DMRTA1: variants seen among roughly 807,000 people sequenced by gnomAD.
DMRTA1 encodes doublesex- and mab-3-related transcription factor A1.
DMRTA1 carries 34 observed loss-of-function variants against 35.2 expected under a neutral mutation model. The observed-to-expected ratio is 0.97, with a 90% CI of 0.74 to 1.29. The LOEUF (loss-of-function observed/expected upper bound fraction) is 1.29, where lower values mean the gene tolerates loss of function less well. DMRTA1 is among the 50% of genes most tolerant of loss of function. The pLI is 0.00. For missense variants in DMRTA1, 824 were observed against 644.6 expected (o/e 1.28, Z -3.01); for synonymous variants, 344 against 276.6 (o/e 1.24, Z -2.42).
In DMRTA1 at chr9:22,454,934, C is replaced by G. The variant is rs1389339567; in HGVS notation, c.*3023C>G. 1 of 152,060 alleles carries G rather than the reference C, an allele frequency of 6.6e-6. No individual in the cohort carries two copies. Among genetic ancestry groups the G allele is most frequent in the Non-Finnish European group, 1.5e-5 (1 of 68,000 alleles). 9.4% of individuals were successfully genotyped at this position (152,060 alleles called of 1,614,324 possible). On this transcript the variant is annotated 3_prime_UTR_variant, in exon 2 of 2. Coordinates refer to ENST00000325870, the MANE Select transcript of DMRTA1 (RefSeq NM_022160.3). ...TACTGCTTTAATATTGGGACTGAAT[C>G]ATTTTGTAGCTCATTAGAAACATGG... is the stretch of plus-strand genomic sequence containing the variant.
rs570387910 is a variant in DMRTA1 at position 22,447,557 on chromosome 9, C to T, written c.492C>T (p.Leu164=). The change falls in exon 1 of 2, where the codon CTC becomes CTT. Residue 164 remains leucine (L), a synonymous_variant. Coordinates refer to ENST00000325870, the MANE Select transcript of DMRTA1 (RefSeq NM_022160.3). ...TACAGAGGCTCCTGTGCTCGGGGCTCTCCTGGCCCCCCGGTGGTCGGGCAT... is the reference window on the plus strand; with the variant it reads ...TACAGAGGCTCCTGTGCTCGGGGCTTTCCTGGCCCCCCGGTGGTCGGGCAT... The part of the protein sequence containing the change: ...RGLQRLLCSG[L]SWPPGGRASG... The T allele has an allele frequency of 1.3e-6, 2 of 1,593,990 alleles. No homozygotes were observed. Among genetic ancestry groups the T allele is most frequent in the South Asian group, 2.2e-5 (2 of 89,300 alleles).
chr9:22,451,043 T>C, intron 1 of DMRTA1, 21 bp from the exon 2 acceptor site: 1 of 1,592,558 alleles, frequency 6.3e-7, no homozygotes, highest in Non-Finnish European at 8.5e-7. Flanking sequence ...TATTTGATTT[T>C]TTTTTCCCCC....
In DMRTA1 at chr9:22,451,839, T is replaced by C; in HGVS notation, c.1443T>C (p.Ser481=). The change falls in exon 2 of 2, where the codon TCT becomes TCC. Residue 481 remains serine, a synonymous_variant. Coordinates refer to ENST00000325870, the MANE Select transcript of DMRTA1 (RefSeq NM_022160.3). ...DYAFSGMIRD[S]SYLSSKDSIT... is the part of the protein sequence containing the mutation. ...CCTTTTCAGGGATGATTAGAGATTC[T>C]TCCTACCTTTCCAGTAAAGACTCAA... is the stretch of plus-strand genomic sequence containing the variant. The C allele has an allele frequency of 6.2e-7, 1 of 1,614,018 alleles. No homozygotes were observed. Among genetic ancestry groups the C allele is most frequent in the South Asian group, 1.1e-5 (1 of 91,080 alleles).
At position 22,455,477 on chromosome 9, in the gene DMRTA1, C is replaced by T. The variant is rs1209693183; in HGVS notation, c.*3566C>T. ...TACGGGATGCTAAATAAATAACTCT[C>T]ACTGTTATTACTTTGTATTAAGATA... On this transcript the variant is annotated 3_prime_UTR_variant, in exon 2 of 2. Coordinates refer to ENST00000325870, the MANE Select transcript of DMRTA1 (RefSeq NM_022160.3). 6.6e-6 allele frequency: 1 copy of T among 152,262 alleles called. No homozygotes were observed. The highest frequency in any genetic ancestry group is 2.4e-5 in the African/African-American group (1 of 41,550). The allele number at this position is 152,262 out of a possible 1,614,324, so 9.4% of individuals were successfully genotyped here.
rs1222934408 is a variant in DMRTA1, at chr9:22,452,328, A to G, written c.*417A>G. On this transcript the variant is annotated 3_prime_UTR_variant, in exon 2 of 2. Coordinates refer to ENST00000325870, the MANE Select transcript of DMRTA1 (RefSeq NM_022160.3). ...ATAAACCGAAAGGAAGAACTGAACA[A>G]TTAAGGCAATTCTAAATAATTACCA... is the stretch of plus-strand genomic sequence containing the variant. 8 of 154,318 alleles carry G rather than the reference A, an allele frequency of 5.2e-5. No individual in the cohort carries two copies. Among genetic ancestry groups the G allele is most frequent in the Admixed American group, 5.1e-4 (8 of 15,546 alleles). The allele number at this position is 154,318 out of a possible 1,614,324, so 9.6% of individuals were successfully genotyped here. A position where few individuals can be genotyped will look rare whatever the true frequency, so the allele number is the denominator to read the frequency against.
Position 22,454,772 on chromosome 9 carries a change from A to C in DMRTA1, c.*2861A>C, listed in dbSNP as rs1235546121. On this transcript the variant is annotated 3_prime_UTR_variant, in exon 2 of 2. Transcript: ENST00000325870. Reference sequence around the variant, plus strand: ...AACATTTCATAGAGTATTCAGAAGAACATAAGGAATGACTTTTTTCACAGT... The same window carrying C: ...AACATTTCATAGAGTATTCAGAAGACCATAAGGAATGACTTTTTTCACAGT... 1 of 152,188 alleles carries C rather than the reference A, an allele frequency of 6.6e-6. No homozygotes were observed. The highest frequency in any genetic ancestry group is 2.4e-5 in the African/African-American group (1 of 41,436). 9.4% of individuals were successfully genotyped at this position (152,188 alleles called of 1,614,324 possible). A position where few individuals can be genotyped will look rare whatever the true frequency, so the allele number is the denominator to read the frequency against.
Position 22,453,002 on chromosome 9 carries a change from T to C in DMRTA1, c.*1091T>C, listed in dbSNP as rs558433194. On this transcript the variant is annotated 3_prime_UTR_variant, in exon 2 of 2. Coordinates refer to ENST00000325870, the MANE Select transcript of DMRTA1 (RefSeq NM_022160.3). ...GAAGTTTCAGAGGTATTCTTGCAATTTTAAAAATAATTTTTGTCCTCCCTC... is the reference window on the plus strand; with the variant it reads ...GAAGTTTCAGAGGTATTCTTGCAATCTTAAAAATAATTTTTGTCCTCCCTC... The C allele has an allele frequency of 6.6e-6, 1 of 152,268 alleles. No homozygotes were observed. Among genetic ancestry groups the C allele is most frequent in the South Asian group, 2.1e-4 (1 of 4,828 alleles). The allele number at this position is 152,268 out of a possible 1,614,324, so 9.4% of individuals were successfully genotyped here.
Position 22,451,625 on chromosome 9 carries a change from C to T in DMRTA1, c.1229C>T (p.Ser410Phe). ...FGTLGNKSAFSPLQTTSASYG... is the reference protein window; with the variant it reads ...FGTLGNKSAFFPLQTTSASYG... ...ACTCTAGGTAATAAATCAGCTTTCTCTCCTCTTCAAACTACTTCTGCTTCT... is the reference window on the plus strand; with the variant it reads ...ACTCTAGGTAATAAATCAGCTTTCTTTCCTCTTCAAACTACTTCTGCTTCT... The change falls in exon 2 of 2, where the codon TCT (serine) becomes TTT (phenylalanine). Residue 410 changes from serine (S) to phenylalanine (F), a missense_variant. Ser to Phe is a radical substitution (Grantham distance 155). Transcript: ENST00000325870. 1 of 1,614,142 alleles carries T rather than the reference C, an allele frequency of 6.2e-7. No homozygotes were observed. The highest frequency in any genetic ancestry group is 8.5e-7 in the Non-Finnish European group (1 of 1,179,970).
chr9:22,452,937 G>A lies in DMRTA1; in HGVS notation c.*1026G>A, dbSNP rs1382265758. The stretch of plus-strand genomic sequence containing the variant: ...GCAGATAGTTGATGCTTAATGCACT[G>A]AGGAGAGATATAAGATTTCCAAAGG... On this transcript the variant is annotated 3_prime_UTR_variant, in exon 2 of 2. Coordinates refer to ENST00000325870, the MANE Select transcript of DMRTA1 (RefSeq NM_022160.3). 6.6e-6 allele frequency: 1 copy of A among 152,112 alleles called. No homozygotes were observed. The highest frequency in any genetic ancestry group is 2.4e-5 in the African/African-American group (1 of 41,438). 9.4% of individuals were successfully genotyped at this position (152,112 alleles called of 1,614,324 possible).
chr9:22,446,959 C>T lies in DMRTA1; in HGVS notation c.-107C>T, dbSNP rs1587667801. The T allele has an allele frequency of 4.0e-5, 57 of 1,414,506 alleles. No homozygotes were observed. In the East Asian group the frequency reaches 1.6e-3, roughly 39 times the overall value. 87.6% of individuals were successfully genotyped at this position (1,414,506 alleles called of 1,614,324 possible). On this transcript the variant is annotated 5_prime_UTR_variant, in exon 1 of 2. Coordinates refer to ENST00000325870, the MANE Select transcript of DMRTA1 (RefSeq NM_022160.3). ...CTTTTGTCCGTGCGCGGGTGGAGCT[C>T]AGTAGGACCACGGCGCGTCCTGCCC...
chr9:22,450,459 A>G (rs1818907679), intron 1 of DMRTA1, among the ~76,000 whole-genome samples: 1 of 152,184 alleles, frequency 6.6e-6, no homozygotes, highest in Non-Finnish European at 1.5e-5. Context: ...ACATAGCAAT[A>G]GTACTTATTG....
Position 22,447,342 on chromosome 9 carries a change from C to G in DMRTA1, c.277C>G (p.Arg93Gly). The G allele has an allele frequency of 6.5e-7, 1 of 1,529,634 alleles. No homozygotes were observed. The highest frequency in any genetic ancestry group is 8.7e-7 in the Non-Finnish European group (1 of 1,142,960). The allele number at this position is 1,529,634 out of a possible 1,614,324, so 94.8% of individuals were successfully genotyped here. The change falls in exon 1 of 2, where the codon CGG becomes GGG. Residue 93 changes from arginine (R) to glycine (G), a missense_variant. Physicochemically the swap from Arg to Gly is moderately radical, Grantham distance 125. Coordinates refer to ENST00000325870, the MANE Select transcript of DMRTA1 (RefSeq NM_022160.3). ...AGGCGCGGTGGGCTGCGGCTACCCG[C>G]GGACGCCCAAGTGCGCCCGCTGTCG... ...GVGAVGCGYPRTPKCARCRNH... is the reference protein window; with the variant it reads ...GVGAVGCGYPGTPKCARCRNH...
rs1818979007 is a variant in DMRTA1, at chr9:22,454,705, G to T, written c.*2794G>T. The T allele has an allele frequency of 6.6e-6, 1 of 152,140 alleles. No individual in the cohort carries two copies. Among genetic ancestry groups the T allele is most frequent in the Admixed American group, 6.5e-5 (1 of 15,274 alleles). The allele number at this position is 152,140 out of a possible 1,614,324, so 9.4% of individuals were successfully genotyped here. On this transcript the variant is annotated 3_prime_UTR_variant, in exon 2 of 2. Transcript: ENST00000325870. ...TTAAGAGCTAGCATATAACAAAAAT[G>T]AATTGGGTTTATTCTGTATCATATA... is the stretch of plus-strand genomic sequence containing the variant.
chr9:22,449,922 T>G (rs1169729689), intron 1 of DMRTA1, among the ~76,000 whole-genome samples: 1 of 152,144 alleles, frequency 6.6e-6, no homozygotes, highest in Non-Finnish European at 1.5e-5. Flanking sequence ...TTAGGCAATA[T>G]TTGTTTTGTG....
At position 22,447,312 on chromosome 9, in the gene DMRTA1, G is replaced by A. The variant is rs1309463338; in HGVS notation, c.247G>A (p.Gly83Arg). The A allele has an allele frequency of 2.0e-6, 3 of 1,520,444 alleles. No individual in the cohort carries two copies. Among genetic ancestry groups the A allele is most frequent in the Non-Finnish European group, 1.8e-6 (2 of 1,138,948 alleles). The allele number at this position is 1,520,444 out of a possible 1,614,324, so 94.2% of individuals were successfully genotyped here. A position where few individuals can be genotyped will look rare whatever the true frequency, so the allele number is the denominator to read the frequency against. The change falls in exon 1 of 2, where the codon GGG becomes AGG. Residue 83 changes from glycine to arginine, a missense_variant. Coordinates refer to ENST00000325870, the MANE Select transcript of DMRTA1 (RefSeq NM_022160.3). ...CCCGCCGGCTCCCGGGCTGGAGAGC[G>A]GGGTAGGCGCGGTGGGCTGCGGCTA... is the stretch of plus-strand genomic sequence containing the variant. ...GCPPAPGLESGVGAVGCGYPR... is the reference protein window; with the variant it reads ...GCPPAPGLESRVGAVGCGYPR...
Position 22,451,580 on chromosome 9 carries a change from T to C in DMRTA1, c.1184T>C (p.Leu395Pro). 6.2e-7 allele frequency: 1 copy of C among 1,614,150 alleles called. No homozygotes were observed. Among genetic ancestry groups the C allele is most frequent in the Non-Finnish European group, 8.5e-7 (1 of 1,179,960 alleles). Reference protein sequence around the residue: ...TAFQRASSFSLAGIGFGTLGN... With the variant: ...TAFQRASSFSPAGIGFGTLGN... The stretch of plus-strand genomic sequence containing the variant: ...TTTCAGAGAGCTTCAAGTTTTAGTC[T>C]TGCTGGAATTGGTTTTGGAACTCTA... The change falls in exon 2 of 2, where the codon CTT becomes CCT. Residue 395 changes from leucine to proline, a missense_variant. Physicochemically the swap from Leu to Pro is moderately conservative, Grantham distance 98. Coordinates refer to ENST00000325870, the MANE Select transcript of DMRTA1 (RefSeq NM_022160.3).
chr9:22,451,714 G>C lies in DMRTA1; in HGVS notation c.1318G>C (p.Ala440Pro). 6.2e-7 allele frequency: 1 copy of C among 1,614,044 alleles called. No homozygotes were observed. ...PRVGISPLRL[A>P]YSSAGRGLSG... ...AGTAGGTATCAGTCCATTAAGGCTG[G>C]CATATTCTTCTGCAGGAAGAGGGTT... Residue 440 changes from alanine (A) to proline (P), a missense_variant, in exon 2 of 2, where the codon GCA becomes CCA. Physicochemically the swap from Ala to Pro is conservative, Grantham distance 27. Transcript: ENST00000325870.
rs1818913887 is a variant in DMRTA1 at position 22,450,922 on chromosome 9, A to T, written c.668-142A>T. On this transcript the variant is annotated intron_variant, in intron 1 of 1. Transcript: ENST00000325870. ...ATAATCTTTTAAATTTGAGTTATTC[A>T]TTAAAATGTCTTGGAGTGTATAAAT... The T allele has an allele frequency of 1.7e-5, 15 of 861,220 alleles. No individual in the cohort carries two copies. In the South Asian group the frequency reaches 3.4e-4, roughly 20 times the overall value. 53.3% of individuals were successfully genotyped at this position (861,220 alleles called of 1,614,324 possible). A position where few individuals can be genotyped will look rare whatever the true frequency, so the allele number is the denominator to read the frequency against.
In DMRTA1 at chr9:22,452,556, A is replaced by G. The variant is rs529256791; in HGVS notation, c.*645A>G. On this transcript the variant is annotated 3_prime_UTR_variant, in exon 2 of 2. Transcript: ENST00000325870. ...GTGCCATTAAAAAACATTTCTCTTT[A>G]AAGTTGACACTGTGTCTATGAAGTA... The G allele has an allele frequency of 1.3e-5, 2 of 152,380 alleles. No homozygotes were observed. The highest frequency in any genetic ancestry group is 2.1e-4 in the South Asian group (1 of 4,834). 9.4% of individuals were successfully genotyped at this position (152,380 alleles called of 1,614,324 possible).
Sources: allele counts gnomAD v4.1 joint callset (sites outside exome capture counted in the v4.1 genomes callset), GRCh38; gene constraint gnomAD v4.1.1; transcripts MANE v1.5; gene names NCBI Gene and HGNC (gene_info 2026-07-23, HGNC 2026-07-21).